Variants in ACKR5 observed in about 807,000 individuals in gnomAD.
ACKR5 encodes the protein G protein-coupled receptor 182.
At chr12:56,996,067 C>T in the ACKR5 span, 44 of 1,612,438 alleles carry the variant, frequency 2.7e-5, no homozygotes, top group Non-Finnish European at 3.6e-5. Context: ...TGCATGGGAC[C>T]CACATCTCCC....
the ACKR5 span, chr12:56,996,006 T>C: frequency 6.2e-7 from 1 of 1,610,192 alleles, no homozygotes. Context: ...TACGTGGCCG[T>C]CTTTGTCATG....
chr12:56,994,625 G>A, the ACKR5 span: 445 of 155,044 alleles, frequency 2.9e-3, 1 homozygote, highest in Middle Eastern at 0.01. Context: ...CTCCAGGACC[G>A]AGGGGCTCCC....
chr12:56,995,770 T>C, the ACKR5 span: 1 of 1,614,142 alleles, frequency 6.2e-7, no homozygotes, highest in South Asian at 1.1e-5. The surrounding 1 kb of genome is among the most constrained non-coding windows in gnomAD (Gnocchi z 4.7). Context: ...TCCCGCTGCC[T>C]GAGGTGGTCC....
chr12:56,996,280 C>T, the ACKR5 span: 1 of 1,614,182 alleles, frequency 6.2e-7, no homozygotes, highest in Non-Finnish European at 8.5e-7. Context: ...CCTGTTCCAC[C>T]CAGCATTCCA....
At chr12:56,995,769 C>G in the ACKR5 span, 2 of 1,614,110 alleles carry the variant, frequency 1.2e-6, no homozygotes, top group Non-Finnish European at 1.7e-6. This position sits in a 1 kb window ranked among gnomAD's most constrained non-coding sequence, Gnocchi z 4.7. Flanking sequence ...ATCCCGCTGC[C>G]TGAGGTGGTC....
At chr12:56,998,232 G>A in the ACKR5 span, 2 of 152,142 alleles carry the variant, frequency 1.3e-5, no homozygotes, top group Non-Finnish European at 2.9e-5. Context: ...TTATCACCCT[G>A]GCAGTATGAA....
At chr12:56,997,959 T>G in the ACKR5 span, 4 of 152,254 alleles carry the variant, frequency 2.6e-5, no homozygotes, top group African/African-American at 9.6e-5. Context: ...TGCAGACAGC[T>G]TCTCAGTAGC....
chr12:56,995,727 T>C, the ACKR5 span: 69 of 1,613,734 alleles, frequency 4.3e-5, no homozygotes, highest in Non-Finnish European at 5.6e-5. The surrounding 1 kb of genome is among the most constrained non-coding windows in gnomAD (Gnocchi z 4.7). Flanking sequence ...CGGCGGGCCA[T>C]GTGTGCAGGC....
the ACKR5 span, chr12:56,995,801 CCT>C: frequency 6.2e-7 from 1 of 1,614,154 alleles, no homozygotes. The surrounding 1 kb of genome is among the most constrained non-coding windows in gnomAD (Gnocchi z 4.7). Context: ...GGTGGAGGGC[CCT>C]GAGCCCATGT....
the ACKR5 span, chr12:56,995,984 C>T: frequency 6.2e-7 from 1 of 1,610,892 alleles, no homozygotes; most frequent in South Asian, 1.1e-5. This position sits in a 1 kb window ranked among gnomAD's most constrained non-coding sequence, Gnocchi z 4.7. Flanking sequence ...CCACTGCCTG[C>T]TGCTGTGCGC....
chr12:56,994,757 CGTGTGT>C, the ACKR5 span: 1 of 174,386 alleles, frequency 5.7e-6, no homozygotes, highest in East Asian at 1.5e-4. Context: ...GTGTGGTGTG[CGTGTGT>C]GTGTGTGTGT....
At chr12:56,998,271 G>A in the ACKR5 span, 12 of 152,218 alleles carry the variant, frequency 7.9e-5, no homozygotes, top group Non-Finnish European at 1.6e-4. Flanking sequence ...CATCCATGGA[G>A]GGGAAGAGTG....
At chr12:56,996,396 C>T in the ACKR5 span, 1 of 1,593,500 alleles carries the variant, frequency 6.3e-7, no homozygotes, top group Non-Finnish European at 8.6e-7. Context: ...TCCCCCATCT[C>T]TCCCACTCAG....
chr12:56,995,910 TCA>T, the ACKR5 span: 9 of 1,612,804 alleles, frequency 5.6e-6, no homozygotes, highest in Non-Finnish European at 7.6e-6. The surrounding 1 kb of genome is among the most constrained non-coding windows in gnomAD (Gnocchi z 4.7). Context: ...TTCCCTCTCA[TCA>T]CAGTCTTCAA....
At chr12:56,995,244 C>A in the ACKR5 span, 2 of 1,613,862 alleles carry the variant, frequency 1.2e-6, no homozygotes, top group East Asian at 4.5e-5. The surrounding 1 kb of genome is among the most constrained non-coding windows in gnomAD (Gnocchi z 4.7). Flanking sequence ...CCTGGCCCCT[C>A]GGAGGGGGTC....
chr12:56,996,828 AAAACTCC>A, the ACKR5 span: 1 of 173,770 alleles, frequency 5.8e-6, no homozygotes, highest in South Asian at 1.7e-4. Context: ...GGAACCTCAC[AAAACTCC>A]TTTTGCGTTT....
At chr12:56,995,861 G>A in the ACKR5 span, 1 of 1,613,006 alleles carries the variant, frequency 6.2e-7, no homozygotes. The surrounding 1 kb of genome is among the most constrained non-coding windows in gnomAD (Gnocchi z 4.7). Flanking sequence ...GGCCCTGGCG[G>A]TGGCCCTGTC....
the ACKR5 span, chr12:56,996,337 C>A: frequency 6.2e-7 from 1 of 1,614,146 alleles, no homozygotes; most frequent in African/African-American, 1.3e-5. Flanking sequence ...CAGCCCCCCA[C>A]CCTGAGCCAA....
At chr12:56,995,153 G>C in the ACKR5 span, 1 of 1,526,888 alleles carries the variant, frequency 6.5e-7, no homozygotes, top group Non-Finnish European at 8.9e-7. The surrounding 1 kb of genome is among the most constrained non-coding windows in gnomAD (Gnocchi z 4.7). Context: ...CAAGGCTCTC[G>C]AGGTCTGCTT....
Sources: gnomAD v4.1 joint callset for allele counts on GRCh38, gnomAD v4.1.1 for gene constraint, Gnocchi (gnomAD v3.1) non-coding constraint, MANE v1.5 for transcripts, NCBI Gene and HGNC (gene_info 2026-07-23, HGNC 2026-07-21) for gene names.